The following ZC3HAV1 variants were observed in gnomAD, a reference collection of about 807,000 sequenced individuals.
ZC3HAV1 encodes the protein zinc finger CCCH-type antiviral protein 1.
In ZC3HAV1, 41 loss-of-function variants were observed where a neutral mutation model predicts 86.6. The ratio of observed to expected loss-of-function variants is 0.47; its 90% confidence interval spans 0.37 to 0.61. The LOEUF is 0.61. Ranked by LOEUF, ZC3HAV1 falls within the 20% of genes least tolerant of loss-of-function variation. The pLI, the probability that ZC3HAV1 is intolerant of heterozygous loss-of-function variation, is 0.00. For missense variants in ZC3HAV1, 964 were observed against 1,141.1 expected, an observed-to-expected ratio of 0.84 and a Z score of 2.24; for synonymous variants, 421 against 432.1, an observed-to-expected ratio of 0.97 and a Z score of 0.32.
intron 9 of ZC3HAV1, among the ~76,000 whole-genome samples, chr7:139,056,612 G>A (rs1169387770): frequency 6.6e-6 from 1 of 151,794 alleles, no homozygotes; most frequent in Non-Finnish European, 1.5e-5. Context: ...TCACCATGTT[G>A]CCCAGGCTGG....
chr7:139,067,091 G>A (rs1179064126), intron 7 of ZC3HAV1, among the ~76,000 whole-genome samples: 1 of 152,114 alleles, frequency 6.6e-6, no homozygotes, highest in Admixed American at 6.6e-5. Context: ...TGATGAAAAT[G>A]TTCTCTGCGC....
At chr7:139,105,106 C>A (rs1242048867) in intron 1 of ZC3HAV1, among the ~76,000 whole-genome samples, 5 of 151,374 alleles carry the variant, frequency 3.3e-5, no homozygotes, top group African/African-American at 1.2e-4. Context: ...CCCAGCTACT[C>A]AGGAGGCTGA....
chr7:139,092,749 G>C (rs1817471920), intron 1 of ZC3HAV1, among the ~76,000 whole-genome samples: 1 of 152,230 alleles, frequency 6.6e-6, no homozygotes, highest in South Asian at 2.1e-4. Context: ...GGTCCGTGGT[G>C]CTGCCCACCT....
chr7:139,086,635 G>C (rs913441877), intron 2 of ZC3HAV1, among the ~76,000 whole-genome samples: 11 of 152,144 alleles, frequency 7.2e-5, no homozygotes, highest in Non-Finnish European at 2.9e-5. Flanking sequence ...TGGTTTGGCT[G>C]TGTCCCCACC....
chr7:139,072,211 A>G (rs10258917), intron 7 of ZC3HAV1, among the ~76,000 whole-genome samples: 47,814 of 151,314 alleles, frequency 0.32, 9,695 homozygotes, highest in African/African-American at 0.55. Flanking sequence ...TTTTTTTGGA[A>G]TCTCACTTTT....
Position 139,046,161 on chromosome 7 carries a change from G to A in ZC3HAV1, c.*1433C>T, listed in dbSNP as rs1371062545. On this transcript the variant is annotated 3_prime_UTR_variant, in exon 13 of 13. Transcript: ENST00000242351. ...GAAATATTGGTCCAAGCACGTCAAG[G>A]GCTCTAAGTAAAAACCGATGGCACT... 6.6e-6 allele frequency: 1 copy of A among 151,976 alleles called. No individual in the cohort carries two copies. The highest frequency in any genetic ancestry group is 2.4e-5 in the African/African-American group (1 of 41,342). 9.4% of individuals were successfully genotyped at this position (151,976 alleles called of 1,614,324 possible).
Position 139,108,842 on chromosome 7 carries a change from A to G in ZC3HAV1, c.308+182T>C, listed in dbSNP as rs931608457. ...GAGGTGCCGGAAGGAAGGGAACTGC[A>G]AAGGTAGAAGCGCGGGCCCTGCAGA... is the stretch of plus-strand genomic sequence containing the variant. On this transcript the variant is annotated intron_variant, in intron 1 of 12. Transcript: ENST00000242351. This position sits in a 1 kb window ranked among gnomAD's most constrained non-coding sequence, Gnocchi z 4.2. Among the ~76,000 whole-genome samples, 2 of 152,220 alleles carry G rather than the reference A, an allele frequency of 1.3e-5. No individual in the cohort carries two copies. Among genetic ancestry groups the G allele is most frequent in the African/African-American group, 4.8e-5 (2 of 41,474 alleles).
intron 9 of ZC3HAV1, among the ~76,000 whole-genome samples, chr7:139,056,593 G>C: frequency 6.6e-6 from 1 of 151,510 alleles, no homozygotes; most frequent in East Asian, 1.9e-4. Context: ...GTAGAGATGG[G>C]GTCTCAACTC....
rs896464244 is a variant in ZC3HAV1 at position 139,044,374 on chromosome 7, G to A, written c.*3220C>T. Reference sequence around the variant, plus strand: ...TCATTACAAGGAAGAGTAAACATCTGTCTGTTTCAAACAGCGTAGTCATGC... The same window carrying A: ...TCATTACAAGGAAGAGTAAACATCTATCTGTTTCAAACAGCGTAGTCATGC... On this transcript the variant is annotated 3_prime_UTR_variant, in exon 13 of 13. Transcript: ENST00000242351. The A allele has an allele frequency of 9.2e-5, 14 of 152,064 alleles. No individual in the cohort carries two copies. Among genetic ancestry groups the A allele is most frequent in the African/African-American group, 3.4e-4 (14 of 41,392 alleles). 9.4% of individuals were successfully genotyped at this position (152,064 alleles called of 1,614,324 possible).
At chr7:139,101,989 C>T (rs952796594) in intron 1 of ZC3HAV1, among the ~76,000 whole-genome samples, 9 of 148,184 alleles carry the variant, frequency 6.1e-5, no homozygotes, top group African/African-American at 2.3e-4. Context: ...GTGAGAAACA[C>T]CCAAGAATGA....
Position 139,062,675 on chromosome 7 carries a change from C to T in ZC3HAV1, c.1994-1537G>A, listed in dbSNP as rs1816478735. On this transcript the variant is annotated intron_variant, in intron 8 of 12. Coordinates refer to ENST00000242351, the MANE Select transcript of ZC3HAV1 (RefSeq NM_020119.4). Reference sequence around the variant, plus strand: ...AGCACCCACAACAGGAGCCAGTACACAGCTGGCACTCAGATACTAGCTTAA... The same window carrying T: ...AGCACCCACAACAGGAGCCAGTACATAGCTGGCACTCAGATACTAGCTTAA... Among the ~76,000 whole-genome samples, 3 of 152,242 alleles carry T rather than the reference C, an allele frequency of 2.0e-5. 1 individual carries two copies. Among genetic ancestry groups the T allele is most frequent in the Admixed American group, 2.0e-4 (3 of 15,288 alleles).
intron 9 of ZC3HAV1, among the ~76,000 whole-genome samples, chr7:139,056,561 T>A (rs1816293244): frequency 6.6e-6 from 1 of 151,834 alleles, no homozygotes; most frequent in Non-Finnish European, 1.5e-5. Context: ...ACCACACCTG[T>A]CTAACTTTTT....
intron 9 of ZC3HAV1, chr7:139,060,285 C>T (rs1438031664): frequency 4.1e-6 from 4 of 985,316 alleles, no homozygotes; most frequent in Non-Finnish European, 4.8e-6. Context: ...TCTCTTGAAG[C>T]CTGTTTTATG....
intron 6 of ZC3HAV1, among the ~76,000 whole-genome samples, chr7:139,075,858 T>C (rs1584855422): frequency 6.6e-6 from 1 of 152,256 alleles, no homozygotes; most frequent in South Asian, 2.1e-4. Flanking sequence ...TATGAAATTA[T>C]TCAAACCGTG....
intron 11 of ZC3HAV1, 152 bp from the exon 12 acceptor site, chr7:139,053,733 A>T (rs976540877): frequency 2.6e-6 from 3 of 1,175,664 alleles, no homozygotes; most frequent in Non-Finnish European, 3.5e-6. Context: ...GCTGTACAAT[A>T]ATAAATTTAT....
chr7:139,077,883 T>G (rs1031480923), intron 5 of ZC3HAV1, among the ~76,000 whole-genome samples: 3 of 152,208 alleles, frequency 2.0e-5, no homozygotes, highest in Non-Finnish European at 2.9e-5. Flanking sequence ...CTTGGCTGAC[T>G]GAAAAGTACA....
chr7:139,058,011 A>G (rs1188933710), intron 9 of ZC3HAV1, among the ~76,000 whole-genome samples: 4 of 152,110 alleles, frequency 2.6e-5, no homozygotes, highest in Non-Finnish European at 5.9e-5. Flanking sequence ...TAAGATGCCC[A>G]TGAACAGTGA....
At chr7:139,071,049 T>G (rs1194597176) in intron 7 of ZC3HAV1, among the ~76,000 whole-genome samples, 1 of 151,700 alleles carries the variant, frequency 6.6e-6, no homozygotes, top group South Asian at 2.1e-4. Flanking sequence ...TTGTGTAAAT[T>G]TAAATTTAAA....
intron 11 of ZC3HAV1, 36 bp from the exon 12 acceptor site, chr7:139,053,617 T>A (rs1275905395): frequency 6.5e-7 from 1 of 1,537,936 alleles, no homozygotes; most frequent in East Asian, 2.3e-5. Flanking sequence ...CACGGAGACA[T>A]CCCCTTCCCA....
Sources: allele counts gnomAD v4.1 joint callset (sites outside exome capture counted in the v4.1 genomes callset), GRCh38; gene constraint gnomAD v4.1.1; non-coding constraint Gnocchi (gnomAD v3.1); transcripts MANE v1.5; gene names NCBI Gene and HGNC (gene_info 2026-07-23, HGNC 2026-07-21).